Variants in EXOC4 observed in about 807,000 individuals in gnomAD.
EXOC4 encodes the protein SEC8-like 1.
Under a neutral mutation model 107.2 loss-of-function variants are expected in EXOC4, and 71 were observed. The ratio of observed to expected loss-of-function variants is 0.66; its 90% CI spans 0.55 to 0.81. EXOC4 has a LOEUF of 0.81. Among genes scored for constraint, EXOC4 ranks in the 30% least tolerant of loss-of-function variants. The pLI, the probability that EXOC4 is intolerant of heterozygous loss-of-function variation, is 0.00. For synonymous variants in EXOC4, 456 were observed against 441.2 expected (o/e 1.03, Z -0.42); for missense variants, 1,108 against 1,189.6 (o/e 0.93, Z 1.01).
the EXOC4 span, among the ~76,000 whole-genome samples, chr7:134,074,466 G>T: frequency 6.6e-6 from 1 of 151,990 alleles, no homozygotes; most frequent in Admixed American, 6.5e-5. Flanking sequence ...TGGGTGGGGG[G>T]TTGGCATCAA....
intron 7 of EXOC4, among the ~76,000 whole-genome samples, chr7:133,463,794 G>T (rs1441972239): frequency 6.6e-6 from 1 of 152,014 alleles, no homozygotes; most frequent in Admixed American, 6.6e-5. Context: ...AGCGCAAAGG[G>T]GAAGAAGGAA....
chr7:133,682,495 T>C (rs1467450640), intron 10 of EXOC4, among the ~76,000 whole-genome samples: 1 of 152,214 alleles, frequency 6.6e-6, no homozygotes, highest in Non-Finnish European at 1.5e-5. Context: ...TCCCCAGCCA[T>C]GTGGAACTGC....
At chr7:133,863,541 G>T (rs1798576758) in intron 11 of EXOC4, among the ~76,000 whole-genome samples, 1 of 152,108 alleles carries the variant, frequency 6.6e-6, no homozygotes, top group South Asian at 2.1e-4. Flanking sequence ...CTTTGGACAG[G>T]GATAGTGACT....
intron 17 of EXOC4, among the ~76,000 whole-genome samples, chr7:134,055,096 A>G (rs960424504): frequency 1.3e-5 from 2 of 152,182 alleles, no homozygotes; most frequent in African/African-American, 4.8e-5. Flanking sequence ...CGCTTCTCAA[A>G]TAATCCAGAG....
At chr7:133,884,616 T>C (rs969450018) in intron 11 of EXOC4, among the ~76,000 whole-genome samples, 16 of 143,348 alleles carry the variant, frequency 1.1e-4, no homozygotes, top group Non-Finnish European at 2.0e-4. Context: ...TGTGTGTGTG[T>C]GTGTGCGCGC....
chr7:133,439,812 T>C (rs2150789272), intron 7 of EXOC4, among the ~76,000 whole-genome samples: 1 of 152,244 alleles, frequency 6.6e-6, no homozygotes, highest in South Asian at 2.1e-4. Flanking sequence ...ACCCTTCCCA[T>C]GTTTTCCCTG....
chr7:133,857,110 ATGTG>A lies in EXOC4; in HGVS notation c.1735-38487_1735-38484del, dbSNP rs573193084. ...AGACTCCGTCTTTATATATATATAT[ATGTG>A]TATATATATATGTATATATATATAC... On this transcript the variant is annotated intron_variant, in intron 11 of 17. Transcript: ENST00000253861. Among the ~76,000 whole-genome samples the A allele has an allele frequency of 4.8e-4, 48 of 100,836 alleles. 1 individual carries two copies. Among genetic ancestry groups the A allele is most frequent in the African/African-American group, 2.0e-3 (47 of 23,786 alleles). 66.2% of individuals were successfully genotyped at this position (100,836 alleles called of 152,430 possible). A position where few individuals can be genotyped will look rare whatever the true frequency, so the allele number is the denominator to read the frequency against.
chr7:133,799,256 A>ACATTTTAAGTACTAGAT (rs1796881665), intron 10 of EXOC4, among the ~76,000 whole-genome samples: 2 of 152,200 alleles, frequency 1.3e-5, no homozygotes, highest in South Asian at 4.1e-4. Flanking sequence ...TAAAAAGTAC[A>ACATTTTAAGTACTAGAT]CATTTTAAGT....
the EXOC4 span, among the ~76,000 whole-genome samples, chr7:134,098,654 A>G: frequency 1.3e-5 from 2 of 152,180 alleles, no homozygotes; most frequent in African/African-American, 4.8e-5. Flanking sequence ...CCTCACAGCT[A>G]TCTTCAGAAC....
the EXOC4 span, among the ~76,000 whole-genome samples, chr7:134,083,633 C>T: frequency 6.6e-6 from 1 of 152,128 alleles, no homozygotes; most frequent in African/African-American, 2.4e-5. Context: ...CAGAGCCCCT[C>T]CATGTGATCT....
chr7:133,507,942 T>A (rs1378838256), intron 9 of EXOC4, among the ~76,000 whole-genome samples: 4 of 151,922 alleles, frequency 2.6e-5, no homozygotes, highest in Admixed American at 6.6e-5. Context: ...ATGCCTGTAA[T>A]CCAGCTACTC....
chr7:133,549,700 T>TA (rs1800550444), intron 9 of EXOC4, among the ~76,000 whole-genome samples: 6 of 152,114 alleles, frequency 3.9e-5, no homozygotes. Context: ...CTTCAATTTG[T>TA]AAAAAATGCA....
chr7:133,291,974 C>T (rs1244566847), intron 3 of EXOC4, among the ~76,000 whole-genome samples: 1 of 152,158 alleles, frequency 6.6e-6, no homozygotes, highest in African/African-American at 2.4e-5. Context: ...TGCACCCAAA[C>T]CATGCTGTTT....
At chr7:133,791,904 G>C (rs1162379890) in intron 10 of EXOC4, among the ~76,000 whole-genome samples, 1 of 152,130 alleles carries the variant, frequency 6.6e-6, no homozygotes, top group African/African-American at 2.4e-5. Context: ...TACCTCTACA[G>C]TTACTTCTCA....
intron 2 of EXOC4, among the ~76,000 whole-genome samples, chr7:133,277,768 AGGG>A (rs1794030717): frequency 6.6e-6 from 1 of 152,186 alleles, no homozygotes; most frequent in Non-Finnish European, 1.5e-5. Flanking sequence ...GGAAAATAAA[AGGG>A]GGGAGAATGA....
chr7:133,642,186 G>A (rs140600446), intron 10 of EXOC4, among the ~76,000 whole-genome samples: 10 of 151,902 alleles, frequency 6.6e-5, no homozygotes, highest in East Asian at 1.9e-4. Context: ...GCAAATACTC[G>A]CTGAGTGCTT....
At chr7:134,088,766 A>C in the EXOC4 span, among the ~76,000 whole-genome samples, 1 of 152,192 alleles carries the variant, frequency 6.6e-6, no homozygotes, top group Non-Finnish European at 1.5e-5. Context: ...GTTTTAGGAC[A>C]GCCACAGCCA....
chr7:133,319,838 CTT>C (rs35274622), intron 5 of EXOC4, among the ~76,000 whole-genome samples: 5,459 of 94,616 alleles, frequency 0.058, 56 homozygotes, highest in Non-Finnish European at 0.077. Context: ...TGATCGTGTG[CTT>C]TTTTTTTTTT....
chr7:133,339,200 T>C (rs919722723), intron 5 of EXOC4, among the ~76,000 whole-genome samples: 3 of 152,214 alleles, frequency 2.0e-5, no homozygotes, highest in African/African-American at 7.2e-5. Context: ...TGCCATTATT[T>C]TGTTCCTTTT....
Sources: allele counts gnomAD v4.1 joint callset (sites outside exome capture counted in the v4.1 genomes callset), GRCh38; gene constraint gnomAD v4.1.1; transcripts MANE v1.5; gene names NCBI Gene and HGNC (gene_info 2026-07-23, HGNC 2026-07-21).